Variants in IL7 observed in about 807,000 individuals in gnomAD.
The protein encoded by IL7 is interleukin-7.
Under a neutral mutation model 21.6 loss-of-function variants are expected in IL7, and 3 were observed. The ratio of observed to expected loss-of-function variants is 0.14; its 90% CI spans 0.06 to 0.36. The LOEUF is 0.36. Among genes scored for constraint, IL7 ranks in the 10% least tolerant of loss-of-function variants. IL7 has a pLI of 1.00. For synonymous variants in IL7, 62 were observed against 68.1 expected (o/e 0.91, Z 0.44); for missense variants, 175 against 200.2 (o/e 0.87, Z 0.76).
intron 2 of IL7, chr8:78,761,621 T>C: frequency 1.2e-6 from 2 of 1,612,016 alleles, no homozygotes; most frequent in Non-Finnish European, 1.7e-6. Flanking sequence ...CCCTGCTATG[T>C]CCACTACATC....
chr8:78,802,881 C>T (rs1814127960), intron 1 of IL7, among the ~76,000 whole-genome samples: 1 of 152,070 alleles, frequency 6.6e-6, no homozygotes, highest in Non-Finnish European at 1.5e-5. Context: ...GCATAAAAAC[C>T]CATCTTCCTG....
chr8:78,739,432 G>T (rs541429498), intron 3 of IL7, among the ~76,000 whole-genome samples: 22 of 152,210 alleles, frequency 1.4e-4, no homozygotes, highest in African/African-American at 5.3e-4. Flanking sequence ...CGTGGCTCAC[G>T]CCTGTAATCC....
chr8:78,727,601 T>A (rs939848527), intron 3 of IL7, among the ~76,000 whole-genome samples: 1 of 152,082 alleles, frequency 6.6e-6, no homozygotes, highest in Non-Finnish European at 1.5e-5. Flanking sequence ...AATTTAGTGC[T>A]GAGTTTCTTA....
chr8:78,760,861 G>A lies in IL7; in HGVS notation c.148-20779C>T, dbSNP rs565638315. 3.5e-5 allele frequency: 55 copies of A among 1,560,140 alleles called. 1 individual carries two copies. In the South Asian group the frequency reaches 5.8e-4, roughly 16 times the overall value. ...AAACTTCAATATTTTCCATCACTTC[G>A]TTGAGTGAATGCAGTACTGCAGTCA... On this transcript the variant is annotated intron_variant, in intron 2 of 5. Transcript: ENST00000263851.
Position 78,686,431 on chromosome 8 carries a change from G to C in IL7, n.215-484C>G, listed in dbSNP as rs534300285. The C allele has an allele frequency of 4.4e-6, 5 of 1,136,916 alleles. No individual in the cohort carries two copies. In the African/African-American group the frequency reaches 6.6e-5, roughly 15 times the overall value. The allele number at this position is 1,136,916 out of a possible 1,614,324, so 70.4% of individuals were successfully genotyped here. ...TCAATATACTAAAAAGATACTGTTT[G>C]TTTATTTATTTATTTATTTATTTAT... On this transcript the variant is annotated intron_variant and non_coding_transcript_variant, in intron 3 of 4. Coordinates refer to the IL7 transcript ENST00000523959.
At chr8:78,699,093 A>G (rs1012384978) in intron 3 of IL7, among the ~76,000 whole-genome samples, 1 of 149,512 alleles carries the variant, frequency 6.7e-6, no homozygotes, top group Non-Finnish European at 1.5e-5. Flanking sequence ...GATATTTTGC[A>G]ACTATAGTAT....
intron 2 of IL7, among the ~76,000 whole-genome samples, chr8:78,768,448 T>G (rs1425734895): frequency 2.0e-5 from 3 of 147,798 alleles, no homozygotes; most frequent in Admixed American, 2.0e-4. Context: ...TCCTGACTTT[T>G]TAATGATTGC....
At chr8:78,777,533 CAT>C (rs1183246530) in intron 2 of IL7, among the ~76,000 whole-genome samples, 1 of 152,032 alleles carries the variant, frequency 6.6e-6, no homozygotes, top group African/African-American at 2.4e-5. Flanking sequence ...TTAAGGACTC[CAT>C]GCATTCACTA....
chr8:78,725,056 CAT>C (rs1382531976), intron 3 of IL7, among the ~76,000 whole-genome samples: 4 of 151,990 alleles, frequency 2.6e-5, no homozygotes, highest in African/African-American at 9.7e-5. Flanking sequence ...TTTTGAAAAT[CAT>C]ATGTTTGGCA....
In IL7 at chr8:78,678,062, C is replaced by T. The variant is rs528558100; in HGVS notation, n.274-1958G>A. Among the ~76,000 whole-genome samples, 25 of 152,220 alleles carry T rather than the reference C, an allele frequency of 1.6e-4. No individual in the cohort carries two copies. In the South Asian group the frequency reaches 5.0e-3, roughly 30 times the overall value. On this transcript the variant is annotated intron_variant and non_coding_transcript_variant, in intron 4 of 4. Transcript: ENST00000523959. ...GAGAATGACCAGAGGTCACTCTCGT[C>T]ACCATTTTTGTTTTGGTGGGTTTTG...
chr8:78,726,494 A>C (rs908860808), intron 3 of IL7, among the ~76,000 whole-genome samples: 3 of 151,988 alleles, frequency 2.0e-5, no homozygotes, highest in African/African-American at 7.2e-5. Flanking sequence ...TAAGACGGGA[A>C]TAGGAGAGTG....
intron 3 of IL7, among the ~76,000 whole-genome samples, 199 bp downstream of exon 3, chr8:78,739,803 A>C (rs1396433304): frequency 1.3e-5 from 2 of 152,184 alleles, no homozygotes; most frequent in Non-Finnish European, 2.9e-5. Flanking sequence ...AAACAAAAAA[A>C]ACTTGTTATT....
intron 2 of IL7, chr8:78,760,721 G>C: frequency 6.4e-7 from 1 of 1,561,680 alleles, no homozygotes; most frequent in Non-Finnish European, 8.7e-7. Context: ...ACTCTCAAAG[G>C]TTAGCTGAGA....
At chr8:78,727,244 A>T (rs535522774) in intron 3 of IL7, among the ~76,000 whole-genome samples, 1 of 152,130 alleles carries the variant, frequency 6.6e-6, no homozygotes, top group South Asian at 2.1e-4. Context: ...TTCATGTGAG[A>T]CTGTGGTTGT....
intron 1 of IL7, among the ~76,000 whole-genome samples, chr8:78,800,361 G>A (rs1472725898): frequency 1.3e-5 from 2 of 152,130 alleles, no homozygotes; most frequent in Non-Finnish European, 2.9e-5. Flanking sequence ...GCAGTGGCAT[G>A]ATCATAGCTC....
intron 2 of IL7, chr8:78,760,301 C>T (rs1812506363): frequency 6.2e-6 from 10 of 1,607,206 alleles, no homozygotes; most frequent in Non-Finnish European, 8.5e-6. Context: ...TCAAAGTGTT[C>T]CTCAAATATG....
intron 2 of IL7, among the ~76,000 whole-genome samples, chr8:78,779,803 G>C (rs186984910): frequency 6.6e-6 from 1 of 152,152 alleles, no homozygotes; most frequent in East Asian, 1.9e-4. Context: ...AATAATTTCA[G>C]AAAAAATGGT....
intron 2 of IL7, among the ~76,000 whole-genome samples, chr8:78,758,946 A>G (rs998550189): frequency 1.3e-5 from 2 of 151,988 alleles, no homozygotes; most frequent in African/African-American, 4.8e-5. Context: ...TAGGTTGTCT[A>G]TGGCATTTCC....
chr8:78,714,770 A>T (rs1811047867), downstream of IL7, among the ~76,000 whole-genome samples: 2 of 152,190 alleles, frequency 1.3e-5, no homozygotes, highest in Non-Finnish European at 2.9e-5. Context: ...TAGAACTTTC[A>T]TAAGTTGAAT....
Sources: allele counts gnomAD v4.1 joint callset (sites outside exome capture counted in the v4.1 genomes callset), GRCh38; gene constraint gnomAD v4.1.1; transcripts MANE v1.5; gene names NCBI Gene and HGNC (gene_info 2026-07-23, HGNC 2026-07-21).